The following CSNK1G3 variants were observed in gnomAD, a reference collection of about 807,000 sequenced individuals.
The protein encoded by CSNK1G3 is casein kinase I isoform gamma-3.
A neutral mutation model predicts 64.3 loss-of-function variants in CSNK1G3; 23 were observed. The ratio of observed to expected loss-of-function variants is 0.36; its 90% CI spans 0.26 to 0.51. The LOEUF (loss-of-function observed/expected upper bound fraction) is 0.51, where lower values mean the gene tolerates loss of function less well. CSNK1G3 is among the 20% of genes least tolerant of loss of function. The probability of loss-of-function intolerance (pLI) is 0.96; values close to 1 mark genes in which losing one functional copy is unlikely to be tolerated. For synonymous variants in CSNK1G3, 158 were observed against 162.2 expected (o/e 0.97, Z 0.20); for missense variants, 357 against 510.5 (o/e 0.70, Z 2.90).
intron 1 of CSNK1G3, among the ~76,000 whole-genome samples, chr5:123,526,782 A>T (rs747284114): frequency 1.3e-5 from 2 of 151,736 alleles, no homozygotes; most frequent in African/African-American, 4.8e-5. Context: ...CATTGTATGG[A>T]TGTACCTCAC....
chr5:123,514,284 A>C (rs892700828), intron 1 of CSNK1G3, among the ~76,000 whole-genome samples: 1 of 152,232 alleles, frequency 6.6e-6, no homozygotes, highest in African/African-American at 2.4e-5. Flanking sequence ...GCCATTCATC[A>C]GCTTAAACAT....
At chr5:123,578,538 T>C (rs901949684) in intron 6 of CSNK1G3, among the ~76,000 whole-genome samples, 1 of 151,950 alleles carries the variant, frequency 6.6e-6, no homozygotes, top group African/African-American at 2.4e-5. Context: ...TTATGAGTAA[T>C]TTCTTTCAGT....
intron 10 of CSNK1G3, among the ~76,000 whole-genome samples, chr5:123,602,006 A>G (rs1030921412): frequency 6.6e-6 from 1 of 152,198 alleles, no homozygotes; most frequent in Non-Finnish European, 1.5e-5. Flanking sequence ...ATTATGTTCA[A>G]TAATTAGAAA....
intron 4 of CSNK1G3, 147 bp from the exon 5 acceptor site, chr5:123,573,246 G>A: frequency 1.3e-6 from 1 of 764,464 alleles, no homozygotes; most frequent in South Asian, 1.8e-5. Flanking sequence ...AGGTTGGGAG[G>A]TTTGGTCAGG....
chr5:123,524,899 A>G (rs1012391943), intron 1 of CSNK1G3, among the ~76,000 whole-genome samples: 3 of 152,132 alleles, frequency 2.0e-5, no homozygotes, highest in Admixed American at 6.5e-5. Context: ...CTGGTGTTAT[A>G]TGCTTTTTAA....
At chr5:123,584,094 A>T (rs1484434014) in intron 6 of CSNK1G3, among the ~76,000 whole-genome samples, 1 of 152,202 alleles carries the variant, frequency 6.6e-6, no homozygotes, top group East Asian at 1.9e-4. Flanking sequence ...TTTTCTACAT[A>T]TACAATCCTG....
intron 2 of CSNK1G3, among the ~76,000 whole-genome samples, chr5:123,548,081 A>T (rs568519375): frequency 6.6e-6 from 1 of 152,180 alleles, no homozygotes; most frequent in Non-Finnish European, 1.5e-5. Flanking sequence ...GTGATTTTCA[A>T]TAAAGGTACT....
intron 1 of CSNK1G3, among the ~76,000 whole-genome samples, chr5:123,512,804 G>A (rs1428603327): frequency 2.0e-5 from 3 of 151,756 alleles, no homozygotes; most frequent in Admixed American, 6.6e-5. Flanking sequence ...AGGGCGCGGA[G>A]GGCTAGGGGG....
chr5:123,534,527 G>A (rs1780480616), intron 1 of CSNK1G3, among the ~76,000 whole-genome samples: 4 of 151,998 alleles, frequency 2.6e-5, no homozygotes, highest in Admixed American at 6.6e-5. Context: ...AGAAATAAGC[G>A]GCCATTTTGG....
chr5:123,611,900 A>G (rs1243225308), intron 12 of CSNK1G3, among the ~76,000 whole-genome samples: 2 of 152,144 alleles, frequency 1.3e-5, no homozygotes, highest in Non-Finnish European at 2.9e-5. Context: ...TAAGTCTTAA[A>G]TTTAAAGGTT....
At chr5:123,526,159 C>G (rs1316381492) in intron 1 of CSNK1G3, among the ~76,000 whole-genome samples, 1 of 151,828 alleles carries the variant, frequency 6.6e-6, no homozygotes, top group Non-Finnish European at 1.5e-5. Context: ...CATCTCAGCC[C>G]CCCACATTGC....
chr5:123,573,687 TG>T, intron 5 of CSNK1G3, 146 bp downstream of exon 5: 2 of 614,184 alleles, frequency 3.3e-6, no homozygotes, highest in Non-Finnish European at 5.2e-6. Context: ...GTTGTCTTTC[TG>T]GGATCCATGT....
intron 3 of CSNK1G3, among the ~76,000 whole-genome samples, chr5:123,554,993 G>A (rs748066075): frequency 2.0e-5 from 3 of 152,116 alleles, no homozygotes; most frequent in Non-Finnish European, 1.5e-5. Flanking sequence ...CTTACTAAAC[G>A]TTTATTATGT....
In CSNK1G3 at chr5:123,566,469, C is replaced by T. The variant is rs1561533800; in HGVS notation, c.290-6924C>T. On this transcript the variant is annotated intron_variant, in intron 4 of 12. Transcript: ENST00000345990. ...GAGTAAGATTTTATAATTGAAAATTCACCAGGTGTAAGAACAAACCTTTCT... is the reference window on the plus strand; with the variant it reads ...GAGTAAGATTTTATAATTGAAAATTTACCAGGTGTAAGAACAAACCTTTCT... Among the ~76,000 whole-genome samples the T allele has an allele frequency of 2.6e-5, 4 of 152,182 alleles. No individual in the cohort carries two copies. The South Asian group carries it at 8.3e-4, about 32-fold the overall frequency.
At chr5:123,532,095 G>A (rs1780030266) in intron 1 of CSNK1G3, among the ~76,000 whole-genome samples, 1 of 151,712 alleles carries the variant, frequency 6.6e-6, no homozygotes, top group Non-Finnish European at 1.5e-5. Context: ...GGTATTTTTA[G>A]CAACTGGTGT....
intron 4 of CSNK1G3, among the ~76,000 whole-genome samples, chr5:123,566,293 A>G (rs142454438): frequency 2.4e-4 from 36 of 152,348 alleles, no homozygotes; most frequent in Non-Finnish European, 4.6e-4. Flanking sequence ...TTTTGTATTC[A>G]TACTCCTTGA....
chr5:123,581,360 GTTTTTTTTTTTTT>G (rs10612602), intron 6 of CSNK1G3, among the ~76,000 whole-genome samples: 1 of 81,604 alleles, frequency 1.2e-5, no homozygotes. Context: ...TTTTGGGTTT[GTTTTTTTTTTTTT>G]TTTTTTTGGC....
chr5:123,539,299 G>A (rs755410076), intron 1 of CSNK1G3, among the ~76,000 whole-genome samples: 1 of 151,978 alleles, frequency 6.6e-6, no homozygotes, highest in Non-Finnish European at 1.5e-5. Context: ...AAATAAATTA[G>A]CTGAGTGTGG....
chr5:123,530,223 T>C (rs1198244629), intron 1 of CSNK1G3, among the ~76,000 whole-genome samples: 1 of 152,128 alleles, frequency 6.6e-6, no homozygotes. Context: ...AAAAGACATT[T>C]TGAGGACCTA....
Sources: allele counts gnomAD v4.1 joint callset (sites outside exome capture counted in the v4.1 genomes callset), GRCh38; gene constraint gnomAD v4.1.1; transcripts MANE v1.5; gene names NCBI Gene and HGNC (gene_info 2026-07-23, HGNC 2026-07-21).